The following GAP43 variants were observed in gnomAD, a reference collection of about 807,000 sequenced individuals.
GAP43 encodes the protein neuromodulin.
Under a neutral mutation model 18.6 loss-of-function variants are expected in GAP43, and 6 were observed. The ratio of observed to expected loss-of-function variants is 0.32; its 90% CI spans 0.18 to 0.64. The LOEUF (loss-of-function observed/expected upper bound fraction) is 0.64, where lower values mean the gene tolerates loss of function less well. Among genes scored for constraint, GAP43 ranks in the 30% least tolerant of loss-of-function variants. The pLI is 0.78. For synonymous variants in GAP43, 115 were observed against 111.4 expected (o/e 1.03, Z -0.20); for missense variants, 292 against 295.5 (o/e 0.99, Z 0.09).
At chr3:115,656,497 G>A (rs1346249471) in intron 1 of GAP43, among the ~76,000 whole-genome samples, 2 of 152,094 alleles carry the variant, frequency 1.3e-5, no homozygotes, top group African/African-American at 2.4e-5. Context: ...AAGCCTCTTT[G>A]GTGTAAATAT....
chr3:115,698,158 T>TA (rs1157950777), intron 2 of GAP43, among the ~76,000 whole-genome samples: 351 of 47,066 alleles, frequency 7.5e-3, no homozygotes, highest in Non-Finnish European at 0.011. Context: ...TTATATATAA[T>TA]ATATAAAATA....
chr3:115,661,845 T>TTTTTTTTTTG (rs1553721649), intron 1 of GAP43, among the ~76,000 whole-genome samples: 1 of 150,008 alleles, frequency 6.7e-6, no homozygotes, highest in African/African-American at 2.5e-5. Flanking sequence ...TTTTTTTTTT[T>TTTTTTTTTTG]ACCTGGGAGC....
Position 115,676,310 on chromosome 3 carries a change from G to A in GAP43, c.328G>A (p.Glu110Lys), listed in dbSNP as rs369966812. Residue 110 changes from glutamate to lysine, a missense_variant, in exon 2 of 3, where the codon GAG becomes AAG. By Grantham distance (56) the Glu-to-Lys change is moderately conservative. Transcript: ENST00000305124. Reference sequence around the variant, plus strand: ...CGGCAAAGCAGGAGAAACTCCTTCCGAGGAGAAGAAGGGGGAGGGTGATGC... The same window carrying A: ...CGGCAAAGCAGGAGAAACTCCTTCCAAGGAGAAGAAGGGGGAGGGTGATGC... The part of the protein sequence containing the change: ...EPGKAGETPS[E>K]EKKGEGDAAT... The A allele has an allele frequency of 1.2e-4, 199 of 1,614,130 alleles. No homozygotes were observed. The highest frequency in any genetic ancestry group is 9.6e-4 in the East Asian group (43 of 44,864).
chr3:115,645,884 C>A (rs990312625), intron 1 of GAP43, among the ~76,000 whole-genome samples: 3 of 151,976 alleles, frequency 2.0e-5, no homozygotes, highest in African/African-American at 7.2e-5. Context: ...AAGTAGCATG[C>A]AAACATATGC....
intron 1 of GAP43, among the ~76,000 whole-genome samples, chr3:115,632,210 G>A (rs1160335512): frequency 1.3e-5 from 2 of 151,968 alleles, no homozygotes; most frequent in Non-Finnish European, 2.9e-5. Flanking sequence ...AAGATGGCCA[G>A]GCATGCTGTG....
intron 1 of GAP43, among the ~76,000 whole-genome samples, chr3:115,637,295 A>G (rs1325968944): frequency 6.6e-6 from 1 of 152,090 alleles, no homozygotes; most frequent in African/African-American, 2.4e-5. Context: ...GCATGACTCA[A>G]GAAACACATA....
At chr3:115,709,462 A>G (rs954735953) in intron 2 of GAP43, among the ~76,000 whole-genome samples, 3 of 152,204 alleles carry the variant, frequency 2.0e-5, no homozygotes, top group African/African-American at 7.2e-5. Flanking sequence ...GATCCTGTGG[A>G]GTGAAACGGG....
intron 2 of GAP43, among the ~76,000 whole-genome samples, chr3:115,699,974 C>A (rs1024666570): frequency 1.3e-5 from 2 of 152,080 alleles, no homozygotes; most frequent in Non-Finnish European, 2.9e-5. Flanking sequence ...AGACAGGAAA[C>A]TATGCAGTGG....
At chr3:115,714,872 T>TAC (rs1709484485) in intron 2 of GAP43, among the ~76,000 whole-genome samples, 1 of 124,502 alleles carries the variant, frequency 8.0e-6, no homozygotes, top group East Asian at 2.1e-4. Context: ...CGTGTGCGCG[T>TAC]GCACACACAC....
chr3:115,637,990 TGA>T (rs1708351948), intron 1 of GAP43, among the ~76,000 whole-genome samples: 1 of 152,050 alleles, frequency 6.6e-6, no homozygotes, highest in South Asian at 2.1e-4. Context: ...TCATGCAAGA[TGA>T]GGGCATAGTA....
intron 1 of GAP43, among the ~76,000 whole-genome samples, chr3:115,635,694 A>G (rs1236759745): frequency 6.6e-6 from 1 of 151,966 alleles, no homozygotes; most frequent in African/African-American, 2.4e-5. Flanking sequence ...AGAATCCAAG[A>G]AGTACTCTGC....
At chr3:115,645,915 C>T (rs945797167) in intron 1 of GAP43, among the ~76,000 whole-genome samples, 8 of 151,906 alleles carry the variant, frequency 5.3e-5, no homozygotes, top group South Asian at 4.1e-4. Flanking sequence ...CTCTTAACTC[C>T]GGAATTTTAG....
At chr3:115,705,902 G>A (rs765723954) in intron 2 of GAP43, among the ~76,000 whole-genome samples, 16 of 152,090 alleles carry the variant, frequency 1.1e-4, no homozygotes, top group Middle Eastern at 6.8e-3. Flanking sequence ...GGTGGAGGTC[G>A]GTGCTAACTT....
At chr3:115,714,862 C>T (rs529032942) in intron 2 of GAP43, among the ~76,000 whole-genome samples, 1 of 138,952 alleles carries the variant, frequency 7.2e-6, no homozygotes, top group Admixed American at 7.4e-5. Flanking sequence ...CATAGATACA[C>T]GTGTGCGCGT....
intron 2 of GAP43, among the ~76,000 whole-genome samples, chr3:115,691,353 G>A (rs971743548): frequency 2.0e-5 from 3 of 152,132 alleles, no homozygotes; most frequent in African/African-American, 7.2e-5. Context: ...TCTTGGAATC[G>A]GACCTATCTA....
intron 1 of GAP43, among the ~76,000 whole-genome samples, chr3:115,629,585 C>A (rs1708236759): frequency 6.6e-6 from 1 of 152,244 alleles, no homozygotes; most frequent in East Asian, 1.9e-4. Flanking sequence ...TTTTCTTCTA[C>A]CTTCTTTTTG....
At chr3:115,683,752 T>C (rs961019966) in intron 2 of GAP43, among the ~76,000 whole-genome samples, 3 of 152,216 alleles carry the variant, frequency 2.0e-5, no homozygotes, top group Non-Finnish European at 4.4e-5. Context: ...CTGATAAGCT[T>C]TTTAAAATTT....
intron 2 of GAP43, among the ~76,000 whole-genome samples, chr3:115,688,893 A>G (rs936104756): frequency 9.9e-5 from 15 of 152,214 alleles, no homozygotes; most frequent in African/African-American, 3.6e-4. Context: ...TCTGAATACA[A>G]TCTAACTTAC....
At chr3:115,675,390 T>C (rs1708868049) in intron 1 of GAP43, among the ~76,000 whole-genome samples, 1 of 152,098 alleles carries the variant, frequency 6.6e-6, no homozygotes, top group African/African-American at 2.4e-5. Context: ...ATTTGAGTTG[T>C]CAAAGTACTT....
Sources: gnomAD v4.1 joint callset for allele counts (sites outside exome capture counted in the v4.1 genomes callset) on GRCh38, gnomAD v4.1.1 for gene constraint, MANE v1.5 for transcripts, NCBI Gene and HGNC (gene_info 2026-07-23, HGNC 2026-07-21) for gene names.